Variants in ZNF236 observed in about 807,000 individuals in gnomAD.
ZNF236 encodes regulated by glucose.
A neutral mutation model predicts 191.2 loss-of-function variants in ZNF236; 50 were observed. That is an observed-to-expected ratio of 0.26 (90% CI 0.21 to 0.33). The LOEUF is 0.33. ZNF236 is among the 10% of genes least tolerant of loss of function. The pLI is 1.00. For synonymous variants in ZNF236, 907 were observed against 928.8 expected (o/e 0.98, Z 0.43); for missense variants, 1,754 against 2,374.5 (o/e 0.74, Z 5.43).
intron 1 of ZNF236, among the ~76,000 whole-genome samples, chr18:76,842,457 G>A (rs1269223888): frequency 1.4e-5 from 2 of 142,060 alleles, no homozygotes; most frequent in African/African-American, 5.2e-5. Flanking sequence ...TTTTTTTTAA[G>A]AAGTGATACC....
chr18:76,884,309 G>T (rs1976984499), intron 9 of ZNF236, among the ~76,000 whole-genome samples: 1 of 151,436 alleles, frequency 6.6e-6, no homozygotes, highest in Admixed American at 6.6e-5. Flanking sequence ...GCTGAGGCAG[G>T]ATAATCGCTT....
chr18:76,895,385 A>G, intron 10 of ZNF236, 100 bp downstream of exon 10: 2 of 1,474,230 alleles, frequency 1.4e-6, no homozygotes, highest in South Asian at 1.3e-5. Flanking sequence ...CAGTAGGCAC[A>G]CAGGTACTGC....
intron 1 of ZNF236, among the ~76,000 whole-genome samples, chr18:76,841,589 C>T (rs1479689312): frequency 6.6e-6 from 1 of 152,002 alleles, no homozygotes; most frequent in African/African-American, 2.4e-5. Flanking sequence ...CTAATTGAAT[C>T]AACAGTCTTA....
intron 14 of ZNF236, among the ~76,000 whole-genome samples, chr18:76,909,801 T>A (rs1396014282): frequency 6.6e-6 from 1 of 152,210 alleles, no homozygotes; most frequent in African/African-American, 2.4e-5. Flanking sequence ...TTTAAACAAT[T>A]ATGGAATGTA....
At position 76,968,281 on chromosome 18, in the gene ZNF236, T is replaced by C. The variant is rs528978252; in HGVS notation, c.5486T>C (p.Leu1829Pro). 9 of 1,611,076 alleles carry C rather than the reference T, an allele frequency of 5.6e-6. No homozygotes were observed. In the African/African-American group the frequency reaches 9.4e-5, roughly 17 times the overall value. ...DGEELSRTLH[L>P]EEVVQEAAGE... ...GAGGAGCTGAGCCGGACCCTCCACC[T>C]GGAGGAGGTGGTGCAGGAGGCCGCC... Residue 1829 changes from leucine to proline, a missense_variant, in exon 31 of 31, where the codon CTG becomes CCG. Coordinates refer to ENST00000320610, the MANE Select transcript of ZNF236 (RefSeq NM_001306089.2).
At chr18:76,827,954 A>T (rs1377053551) in intron 1 of ZNF236, among the ~76,000 whole-genome samples, 4 of 152,034 alleles carry the variant, frequency 2.6e-5, no homozygotes, top group Non-Finnish European at 5.9e-5. Context: ...TTGCCCCTTT[A>T]GTTGGCCTCC....
chr18:76,921,763 T>C (rs866292311), intron 20 of ZNF236, among the ~76,000 whole-genome samples: 1 of 109,072 alleles, frequency 9.2e-6, no homozygotes, highest in Non-Finnish European at 1.9e-5. Flanking sequence ...TTTTTTTGAG[T>C]TGGAGTCTCG....
chr18:76,958,314 G>A (rs916029643), intron 28 of ZNF236, among the ~76,000 whole-genome samples: 1 of 152,218 alleles, frequency 6.6e-6, no homozygotes, highest in East Asian at 1.9e-4. Flanking sequence ...CACAGGGTAA[G>A]CCTAACTGCA....
At chr18:76,891,404 T>TA (rs1220436381) in intron 9 of ZNF236, among the ~76,000 whole-genome samples, 1 of 152,028 alleles carries the variant, frequency 6.6e-6, no homozygotes, top group Non-Finnish European at 1.5e-5. Flanking sequence ...CGAGACAGGG[T>TA]CTCTGTTGCC....
rs548458794 is a variant in ZNF236 at position 76,972,154 on chromosome 18, T to C, written c.*3815T>C. ...CGCCTACACGCACCACCCAATTTAA[T>C]GTCGTATCTGTACTTGGGGCCTCTA... On this transcript the variant is annotated 3_prime_UTR_variant, in exon 31 of 31. Coordinates refer to ENST00000320610, the MANE Select transcript of ZNF236 (RefSeq NM_001306089.2). Among the ~76,000 whole-genome samples the C allele has an allele frequency of 4.5e-4, 69 of 152,340 alleles. No homozygotes were observed. Among genetic ancestry groups the C allele is most frequent in the Admixed American group, 1.3e-3 (20 of 15,296 alleles).
chr18:76,955,935 C>A lies in ZNF236; in HGVS notation c.4915-50C>A, dbSNP rs201996317. On this transcript the variant is annotated intron_variant, in intron 27 of 30. Coordinates refer to ENST00000320610, the MANE Select transcript of ZNF236 (RefSeq NM_001306089.2). ...ACGGTGTGTGTCAGTTCACAAACTGCACAAATCAAGCCAAGTGAGTGGAAA... is the reference window on the plus strand; with the variant it reads ...ACGGTGTGTGTCAGTTCACAAACTGAACAAATCAAGCCAAGTGAGTGGAAA... The A allele has an allele frequency of 4.5e-6, 7 of 1,568,618 alleles. No homozygotes were observed. The South Asian group carries it at 8.2e-5, about 18-fold the overall frequency.
In ZNF236 at chr18:76,875,076, C is replaced by CT. The variant is rs1215822709; in HGVS notation, c.668-413dup. ...GTCAAGCTGGGGGTGGTTTCAGGAG[C>CT]TTTGAGTGATAGGGGAGTGCCTTAC... On this transcript the variant is annotated intron_variant, in intron 5 of 30. Transcript: ENST00000320610. This position sits in a 1 kb window ranked among gnomAD's most constrained non-coding sequence, Gnocchi z 4.3. Among the ~76,000 whole-genome samples, 1 of 152,096 alleles carries CT rather than the reference C, an allele frequency of 6.6e-6. No homozygotes were observed. The highest frequency in any genetic ancestry group is 1.5e-5 in the Non-Finnish European group (1 of 68,022).
intron 13 of ZNF236, among the ~76,000 whole-genome samples, chr18:76,905,660 T>G (rs1977721647): frequency 6.6e-6 from 1 of 150,846 alleles, no homozygotes; most frequent in African/African-American, 2.4e-5. Context: ...TGAAGTAGTT[T>G]ATATTCTGTA....
At chr18:76,962,213 A>C (rs928110950) in intron 30 of ZNF236, among the ~76,000 whole-genome samples, 2 of 152,050 alleles carry the variant, frequency 1.3e-5, no homozygotes, top group African/African-American at 4.8e-5. Context: ...TTTTTAATCC[A>C]TCTTGAGTTG....
intron 3 of ZNF236, among the ~76,000 whole-genome samples, chr18:76,859,440 C>T (rs1286153869): frequency 2.0e-5 from 3 of 152,120 alleles, no homozygotes; most frequent in Non-Finnish European, 4.4e-5. Flanking sequence ...TCTGTATGAT[C>T]TAGTAAGTAT....
At chr18:76,868,574 G>A in intron 3 of ZNF236, 111 bp from the exon 4 acceptor site, 4 of 847,220 alleles carry the variant, frequency 4.7e-6, no homozygotes, top group Non-Finnish European at 7.0e-6. Context: ...CAAGATTAGA[G>A]AGACCAAGTA....
chr18:76,915,991 AATTTT>A (rs753881579), intron 19 of ZNF236, 132 bp downstream of exon 19: 36 of 771,200 alleles, frequency 4.7e-5, no homozygotes, highest in Non-Finnish European at 7.0e-5. Context: ...AGTTTTTAAT[AATTTT>A]ATTTTCTGAT....
In ZNF236 at chr18:76,875,813, G is replaced by T. The variant is rs1599355257; in HGVS notation, c.840+149G>T. 1.2e-6 allele frequency: 1 copy of T among 866,836 alleles called. No homozygotes were observed. The highest frequency in any genetic ancestry group is 1.5e-6 in the Non-Finnish European group (1 of 647,548). The allele number at this position is 866,836 out of a possible 1,614,324, so 53.7% of individuals were successfully genotyped here. On this transcript the variant is annotated intron_variant, in intron 6 of 30. Transcript: ENST00000320610. This position sits in a 1 kb window ranked among gnomAD's most constrained non-coding sequence, Gnocchi z 4.3. ...AGACCCTGTTTTAAAAAATACATAC[G>T]TGGGAATTTTTTTGGTTTATTACAT...
At chr18:76,858,708 G>A (rs555317791) in intron 3 of ZNF236, among the ~76,000 whole-genome samples, 66 of 134,668 alleles carry the variant, frequency 4.9e-4, no homozygotes, top group Admixed American at 3.6e-3. Flanking sequence ...GGAAGGGGGA[G>A]AGGGCTCAGC....
Sources: gnomAD v4.1 joint callset for allele counts (sites outside exome capture counted in the v4.1 genomes callset) on GRCh38, gnomAD v4.1.1 for gene constraint, Gnocchi (gnomAD v3.1) non-coding constraint, MANE v1.5 for transcripts, NCBI Gene and HGNC (gene_info 2026-07-23, HGNC 2026-07-21) for gene names.